SUSD1: variants seen among roughly 807,000 people sequenced by gnomAD.
SUSD1 encodes sushi domain-containing protein 1.
A neutral mutation model predicts 86.9 loss-of-function variants in SUSD1; 65 were observed. The ratio of observed to expected loss-of-function variants is 0.75; its 90% confidence interval spans 0.61 to 0.92. The LOEUF (loss-of-function observed/expected upper bound fraction) is 0.92. Ranked by LOEUF, SUSD1 falls within the 40% of genes least tolerant of loss-of-function variation. The probability of loss-of-function intolerance (pLI) is 0.00; values close to 1 mark genes in which losing one functional copy is unlikely to be tolerated. For missense variants in SUSD1, 850 were observed against 929.7 expected (o/e 0.91, Z 1.11); for synonymous variants, 346 against 350.0 (o/e 0.99, Z 0.13).
chr9:112,075,617 C>T (rs1350161812), intron 12 of SUSD1, among the ~76,000 whole-genome samples: 3 of 151,970 alleles, frequency 2.0e-5, no homozygotes, highest in African/African-American at 2.4e-5. Context: ...TGGTGGTGAG[C>T]GCCTATAGTC....
At chr9:112,071,687 C>T (rs528057748) in intron 12 of SUSD1, among the ~76,000 whole-genome samples, 2 of 152,266 alleles carry the variant, frequency 1.3e-5, no homozygotes, top group East Asian at 1.9e-4. Flanking sequence ...TAAGCAACGT[C>T]TCCAACTTTG....
chr9:112,162,904 A>G (rs1833631576), intron 1 of SUSD1, among the ~76,000 whole-genome samples: 1 of 152,170 alleles, frequency 6.6e-6, no homozygotes, highest in Admixed American at 6.5e-5. Flanking sequence ...ATTCTGCTAC[A>G]ATTTCTACAT....
intron 5 of SUSD1, among the ~76,000 whole-genome samples, chr9:112,128,081 G>A (rs1831857750): frequency 6.6e-6 from 1 of 151,182 alleles, no homozygotes; most frequent in Non-Finnish European, 1.5e-5. Context: ...TTTTTTGTTT[G>A]TTTTTTGTTT....
chr9:112,114,252 G>T (rs1206042568), intron 6 of SUSD1, among the ~76,000 whole-genome samples: 1 of 152,180 alleles, frequency 6.6e-6, no homozygotes, highest in Non-Finnish European at 1.5e-5. Flanking sequence ...GGAGGCCAAG[G>T]CAGGTTGGTC....
chr9:112,098,581 G>C lies in SUSD1; in HGVS notation c.1363C>G (p.Pro455Ala). The C allele has an allele frequency of 1.2e-6, 2 of 1,614,128 alleles. No homozygotes were observed. Among genetic ancestry groups the C allele is most frequent in the Non-Finnish European group, 1.7e-6 (2 of 1,180,026 alleles). ...SFNFTTREQV[P>A]VVCLDLYPTT... is the part of the protein sequence containing the mutation. ...GGGTACAGATCCAAACACACTACAG[G>C]CACTTGTTCCCTCGTTGTGAAGTTA... The change falls in exon 10 of 17, where the codon CCT becomes GCT. Residue 455 changes from proline (P) to alanine (A), a missense_variant. Pro to Ala is a conservative substitution (Grantham distance 27, BLOSUM62 -1). Transcript: ENST00000374270.
chr9:112,045,125 A>G (rs781030976), intron 15 of SUSD1, among the ~76,000 whole-genome samples: 2 of 152,006 alleles, frequency 1.3e-5, no homozygotes, highest in Non-Finnish European at 2.9e-5. Context: ...ATCTTGGTGG[A>G]CTAATTAACT....
chr9:112,047,806 C>T (rs1413907556), intron 15 of SUSD1, among the ~76,000 whole-genome samples: 1 of 152,032 alleles, frequency 6.6e-6, no homozygotes, highest in Non-Finnish European at 1.5e-5. Flanking sequence ...ACTTCTCTAC[C>T]ATTGTTCTGG....
At position 112,149,496 on chromosome 9, in the gene SUSD1, G is replaced by A. The variant is rs10981282; in HGVS notation, c.218-97C>T. ...CCATGCTATGGACTCGGGAACCAAC[G>A]TTCTGTGACCACACCTTAGTGATCT... On this transcript the variant is annotated intron_variant, in intron 2 of 16. Coordinates refer to ENST00000374270, the MANE Select transcript of SUSD1 (RefSeq NM_022486.5). 86 of 1,372,380 alleles carry A rather than the reference G, an allele frequency of 6.3e-5. No individual in the cohort carries two copies. The African/African-American group carries it at 9.2e-4, about 15-fold the overall frequency. 85.0% of individuals were successfully genotyped at this position (1,372,380 alleles called of 1,614,324 possible).
intron 14 of SUSD1, among the ~76,000 whole-genome samples, chr9:112,053,762 T>A (rs754097772): frequency 1.3e-5 from 2 of 152,134 alleles, no homozygotes; most frequent in East Asian, 3.9e-4. Flanking sequence ...AGAAGGGAGC[T>A]TATTAAACTG....
intron 8 of SUSD1, among the ~76,000 whole-genome samples, chr9:112,106,453 A>G (rs1896952): frequency 0.33 from 49,797 of 151,716 alleles, 8,655 homozygotes; most frequent in African/African-American, 0.43. Flanking sequence ...TCAGATCATC[A>G]TGGACTCAGA....
chr9:112,108,923 G>A (rs1022610201), intron 8 of SUSD1, among the ~76,000 whole-genome samples: 2 of 150,796 alleles, frequency 1.3e-5, no homozygotes, highest in Admixed American at 6.6e-5. Context: ...TTCATCCCTC[G>A]GGGAAAAAAA....
chr9:112,107,579 C>T (rs1186670178), intron 8 of SUSD1, among the ~76,000 whole-genome samples: 1 of 152,108 alleles, frequency 6.6e-6, no homozygotes, highest in Non-Finnish European at 1.5e-5. Context: ...TACATGCTGT[C>T]TCCTAGAGTA....
chr9:112,094,884 G>T (rs891646694), intron 10 of SUSD1, among the ~76,000 whole-genome samples: 8 of 152,210 alleles, frequency 5.3e-5, no homozygotes, highest in African/African-American at 1.7e-4. Context: ...AATGATCAGT[G>T]TAGAATTCTT....
At chr9:112,110,898 C>T (rs1052043890) in intron 8 of SUSD1, among the ~76,000 whole-genome samples, 1 of 152,326 alleles carries the variant, frequency 6.6e-6, no homozygotes, top group South Asian at 2.1e-4. Flanking sequence ...GCTTCCACTT[C>T]CCCACTCTCA....
At chr9:112,115,558 G>C (rs1300200961) in intron 6 of SUSD1, among the ~76,000 whole-genome samples, 1 of 152,126 alleles carries the variant, frequency 6.6e-6, no homozygotes, top group Non-Finnish European at 1.5e-5. Context: ...TGTAATCCTA[G>C]CACTTTGCGG....
chr9:112,173,070 T>G (rs1265203700), intron 1 of SUSD1, among the ~76,000 whole-genome samples: 1 of 152,176 alleles, frequency 6.6e-6, no homozygotes, highest in East Asian at 1.9e-4. Context: ...TTCAATGGGA[T>G]CATACTGGAC....
At position 112,161,752 on chromosome 9, in the gene SUSD1, G is replaced by A. The variant is rs149879263; in HGVS notation, c.104-4139C>T. On this transcript the variant is annotated intron_variant, in intron 1 of 16. Coordinates refer to ENST00000374270, the MANE Select transcript of SUSD1 (RefSeq NM_022486.5). ...CAGGAGAATCGCTTGAACCCGGGAG[G>A]CGGAGGTTGCAGTGAGCTGAGATTG... Among the ~76,000 whole-genome samples the A allele has an allele frequency of 8.1e-3, 1,232 of 151,642 alleles. 7 individuals are homozygous for A. Among genetic ancestry groups the A allele is most frequent in the Middle Eastern group, 0.014 (4 of 294 alleles).
chr9:112,106,016 G>A (rs1324617047), intron 8 of SUSD1, among the ~76,000 whole-genome samples: 1 of 152,132 alleles, frequency 6.6e-6, no homozygotes, highest in Non-Finnish European at 1.5e-5. Flanking sequence ...ATTTGAGACA[G>A]TCTCGCTCTG....
chr9:112,148,906 TA>T (rs34699293), intron 3 of SUSD1, among the ~76,000 whole-genome samples: 26,095 of 141,918 alleles, frequency 0.18, 2,383 homozygotes, highest in Non-Finnish European at 0.22. Flanking sequence ...ACCCCCCCCT[TA>T]AAAAAAAAAA....
Sources: allele counts gnomAD v4.1 joint callset (sites outside exome capture counted in the v4.1 genomes callset), GRCh38; gene constraint gnomAD v4.1.1; transcripts MANE v1.5; gene names NCBI Gene and HGNC (gene_info 2026-07-23, HGNC 2026-07-21).